HS3ST5: variants seen among roughly 807,000 people sequenced by gnomAD.
HS3ST5 encodes heparan sulfate-glucosamine 3-sulfotransferase 5, also known as heparan sulfate glucosamine 3-O-sulfotransferase 5.
Under a neutral mutation model 25.4 loss-of-function variants are expected in HS3ST5, and 10 were observed. The ratio of observed to expected loss-of-function variants is 0.39; its 90% confidence interval spans 0.24 to 0.67. HS3ST5 has a LOEUF of 0.67. Among genes scored for constraint, HS3ST5 ranks in the 30% least tolerant of loss-of-function variants. The pLI is 0.44. For synonymous variants in HS3ST5, 170 were observed against 162.4 expected (o/e 1.05, Z -0.36); for missense variants, 324 against 420.7 (o/e 0.77, Z 2.01).
intron 3 of HS3ST5, among the ~76,000 whole-genome samples, chr6:114,151,783 T>C (rs1262589153): frequency 1.3e-5 from 2 of 152,326 alleles, no homozygotes; most frequent in South Asian, 2.1e-4. Flanking sequence ...CTTCACAAGC[T>C]ATAAATTAAA....
At chr6:114,100,538 A>G (rs1775671851) in intron 3 of HS3ST5, among the ~76,000 whole-genome samples, 1 of 152,168 alleles carries the variant, frequency 6.6e-6, no homozygotes, top group Non-Finnish European at 1.5e-5. Flanking sequence ...AACACTGCCC[A>G]ACTATTTCTT....
intron 2 of HS3ST5, among the ~76,000 whole-genome samples, chr6:114,196,022 C>T (rs2056300): frequency 0.22 from 33,329 of 152,046 alleles, 3,793 homozygotes; most frequent in Middle Eastern, 0.27. Context: ...GCAAATGAGA[C>T]GCCCAGCCCT....
intron 1 of HS3ST5, among the ~76,000 whole-genome samples, chr6:114,313,191 A>G (rs1775609137): frequency 6.6e-6 from 1 of 152,290 alleles, no homozygotes; most frequent in Non-Finnish European, 1.5e-5. Flanking sequence ...AATAACAACA[A>G]CATACCAACA....
intron 1 of HS3ST5, among the ~76,000 whole-genome samples, chr6:114,295,913 C>T (rs576587267): frequency 6.6e-6 from 1 of 152,224 alleles, no homozygotes; most frequent in Non-Finnish European, 1.5e-5. Context: ...TTTGAACAGG[C>T]CCATGTGTAT....
chr6:114,155,070 T>A (rs1949520), intron 3 of HS3ST5, among the ~76,000 whole-genome samples: 147,765 of 152,264 alleles, frequency 0.97, 71,861 homozygotes, highest in East Asian at 1. Flanking sequence ...GAGGCACCCT[T>A]AGAGTAGGAG....
intron 1 of HS3ST5, among the ~76,000 whole-genome samples, chr6:114,305,467 A>G (rs1299881497): frequency 6.6e-6 from 1 of 152,158 alleles, no homozygotes; most frequent in Non-Finnish European, 1.5e-5. Context: ...TCAAGTAAAC[A>G]TGATGTTCCA....
At chr6:114,086,521 A>G (rs1774839433) in intron 3 of HS3ST5, among the ~76,000 whole-genome samples, 1 of 152,208 alleles carries the variant, frequency 6.6e-6, no homozygotes, top group Non-Finnish European at 1.5e-5. Flanking sequence ...AGTCATCTCC[A>G]GACGAGAGCA....
chr6:114,184,999 A>G (rs956516828), intron 2 of HS3ST5, among the ~76,000 whole-genome samples: 1 of 152,182 alleles, frequency 6.6e-6, no homozygotes, highest in African/African-American at 2.4e-5. Context: ...TAGCTGGAGA[A>G]GAATTTTGCC....
chr6:114,323,509 T>C (rs993091297), intron 1 of HS3ST5, among the ~76,000 whole-genome samples: 8 of 152,124 alleles, frequency 5.3e-5, no homozygotes, highest in African/African-American at 1.7e-4. Context: ...ATCAGAAAGA[T>C]AAGGAGTTCA....
At chr6:114,256,356 C>T (rs1231347726) in intron 1 of HS3ST5, among the ~76,000 whole-genome samples, 1 of 151,526 alleles carries the variant, frequency 6.6e-6, no homozygotes, top group Non-Finnish European at 1.5e-5. Flanking sequence ...CCACTGCACT[C>T]CAGCCTGGAG....
At chr6:114,297,028 C>A (rs964750973) in intron 1 of HS3ST5, among the ~76,000 whole-genome samples, 1 of 152,086 alleles carries the variant, frequency 6.6e-6, no homozygotes, top group Non-Finnish European at 1.5e-5. Flanking sequence ...AATAAAAACA[C>A]CGTTCTGGAT....
intron 1 of HS3ST5, among the ~76,000 whole-genome samples, chr6:114,259,302 CTG>C (rs140040348): frequency 0.035 from 5,398 of 152,296 alleles, 123 homozygotes; most frequent in Middle Eastern, 0.061. Flanking sequence ...ATTGATGACA[CTG>C]TTGCCTTTCC....
At chr6:114,117,391 A>T (rs992076508) in intron 3 of HS3ST5, among the ~76,000 whole-genome samples, 17 of 152,102 alleles carry the variant, frequency 1.1e-4, no homozygotes, top group South Asian at 6.2e-4. Context: ...ATGGGTTTGA[A>T]TTTGTCATTT....
chr6:114,326,894 C>T (rs1776196667), intron 1 of HS3ST5, among the ~76,000 whole-genome samples: 1 of 152,078 alleles, frequency 6.6e-6, no homozygotes, highest in African/African-American at 2.4e-5. Flanking sequence ...AGGATTTAAA[C>T]ATCAGAATAT....
At chr6:114,259,965 A>C (rs1194717236) in intron 1 of HS3ST5, among the ~76,000 whole-genome samples, 1 of 152,196 alleles carries the variant, frequency 6.6e-6, no homozygotes, top group East Asian at 1.9e-4. Flanking sequence ...TCACAATAAA[A>C]ATGCAAAAAT....
intron 2 of HS3ST5, among the ~76,000 whole-genome samples, chr6:114,193,975 T>A (rs1387244538): frequency 6.6e-6 from 1 of 152,150 alleles, no homozygotes; most frequent in African/African-American, 2.4e-5. Flanking sequence ...AGTAAGTTGA[T>A]AAATGGGCCT....
chr6:114,142,672 AT>A (rs1777969196), intron 3 of HS3ST5: 1 of 152,304 alleles, frequency 6.6e-6, no homozygotes, highest in East Asian at 1.9e-4. Context: ...TAATAAAACG[AT>A]TTCAAAGTCT....
intron 2 of HS3ST5, among the ~76,000 whole-genome samples, chr6:114,178,082 T>C (rs1194677225): frequency 6.6e-6 from 1 of 152,228 alleles, no homozygotes; most frequent in African/African-American, 2.4e-5. Context: ...AGTTTTTGGC[T>C]TTCTTTTCTT....
intron 1 of HS3ST5, among the ~76,000 whole-genome samples, chr6:114,294,694 A>G (rs551270845): frequency 6.6e-6 from 1 of 152,196 alleles, no homozygotes; most frequent in Non-Finnish European, 1.5e-5. Context: ...CGGCCTCCCA[A>G]AGTGCTGGGA....
Sources: allele counts gnomAD v4.1 joint callset (sites outside exome capture counted in the v4.1 genomes callset), GRCh38; gene constraint gnomAD v4.1.1; transcripts MANE v1.5; gene names NCBI Gene and HGNC (gene_info 2026-07-23, HGNC 2026-07-21).